Variants in ACTN1 observed in about 807,000 individuals in gnomAD.
ACTN1 encodes the protein alpha-actinin-1.
ACTN1 carries 30 observed loss-of-function variants against 119.6 expected under a neutral mutation model. The ratio of observed to expected loss-of-function variants is 0.25; its 90% confidence interval spans 0.19 to 0.34. The LOEUF (loss-of-function observed/expected upper bound fraction) is 0.34, where lower values mean the gene tolerates loss of function less well. ACTN1 is among the 10% of genes least tolerant of loss of function. The pLI is 1.00. For missense variants in ACTN1, 764 were observed against 1,223.4 expected (o/e 0.62, Z 5.60); for synonymous variants, 429 against 472.6 (o/e 0.91, Z 1.20).
At chr14:68,938,227 C>T (rs1432654974) in intron 1 of ACTN1, among the ~76,000 whole-genome samples, 1 of 152,220 alleles carries the variant, frequency 6.6e-6, no homozygotes, top group Non-Finnish European at 1.5e-5. Context: ...ACTTCCCACC[C>T]ACCTGGGAGT....
intron 1 of ACTN1, among the ~76,000 whole-genome samples, chr14:68,968,554 A>C (rs2036776404): frequency 6.6e-6 from 1 of 152,250 alleles, no homozygotes. Context: ...AAAAACACCA[A>C]ACTTGGAACA....
At position 68,978,899 on chromosome 14, in the gene ACTN1, C is replaced by CAGGGCTGGGGGCTG. The variant is rs1555361784; in HGVS notation, c.105+52_105+53insCAGCCCCCAGCCCT. On this transcript the variant is annotated intron_variant, in intron 1 of 21. Transcript: ENST00000394419. ...CGAGAGCCCGGCAGGCAGAGCGGGT[C>CAGGGCTGGGGGCTG]GGGGCTGGGGGCTGGGGGCTGGGGG... 9 of 1,113,370 alleles carry CAGGGCTGGGGGCTG rather than the reference C, an allele frequency of 8.1e-6. No individual in the cohort carries two copies. In the Admixed American group the frequency reaches 2.1e-4, roughly 26 times the overall value. 69.0% of individuals were successfully genotyped at this position (1,113,370 alleles called of 1,614,324 possible). A position where few individuals can be genotyped will look rare whatever the true frequency, so the allele number is the denominator to read the frequency against.
intron 1 of ACTN1, among the ~76,000 whole-genome samples, chr14:68,948,965 C>CA (rs2036037888): frequency 6.6e-6 from 1 of 152,240 alleles, no homozygotes; most frequent in African/African-American, 2.4e-5. Flanking sequence ...AGAGACCAGT[C>CA]AGCTGTGCAC....
intron 1 of ACTN1, among the ~76,000 whole-genome samples, chr14:68,965,202 T>C (rs2036666377): frequency 6.6e-6 from 1 of 152,244 alleles, no homozygotes; most frequent in African/African-American, 2.4e-5. Context: ...ATCACCACTA[T>C]GGACCTCATC....
chr14:68,927,790 A>G (rs2035008307), intron 1 of ACTN1, among the ~76,000 whole-genome samples: 1 of 152,324 alleles, frequency 6.6e-6, no homozygotes. Context: ...GAAAAATATT[A>G]AAGGATTTTT....
intron 1 of ACTN1, among the ~76,000 whole-genome samples, chr14:68,966,713 A>G (rs1566679553): frequency 6.6e-6 from 1 of 152,274 alleles, no homozygotes; most frequent in East Asian, 1.9e-4. Flanking sequence ...TACTGTGGCT[A>G]AAGACAGTGG....
chr14:68,887,487 C>T (rs1237392316), intron 11 of ACTN1: 12 of 1,153,156 alleles, frequency 1.0e-5, no homozygotes, highest in Non-Finnish European at 1.4e-5. Context: ...GATATAAAAA[C>T]TAACCCCCCC....
In ACTN1 at chr14:68,969,515, C is replaced by T. The variant is rs540607876; in HGVS notation, c.105+9437G>A. Among the ~76,000 whole-genome samples, 11 of 152,330 alleles carry T rather than the reference C, an allele frequency of 7.2e-5. No homozygotes were observed. In the East Asian group the frequency reaches 9.6e-4, roughly 13 times the overall value. ...TTATCTATTATCTGGAGGATGTCTGCGGAGTTTAAAAGGGAGCCACTCCTC... is the reference window on the plus strand; with the variant it reads ...TTATCTATTATCTGGAGGATGTCTGTGGAGTTTAAAAGGGAGCCACTCCTC... On this transcript the variant is annotated intron_variant, in intron 1 of 21. Coordinates refer to ENST00000394419, the MANE Select transcript of ACTN1 (RefSeq NM_001130004.2).
chr14:68,904,598 G>A, intron 7 of ACTN1, 57 bp downstream of exon 7: 5 of 1,541,196 alleles, frequency 3.2e-6, no homozygotes, highest in Non-Finnish European at 4.5e-6. Context: ...CCCCTTCTTA[G>A]CCGCTGAGTG....
rs2030629549 is a variant in ACTN1 at position 68,874,661 on chromosome 14, C to A, written c.*198G>T. On this transcript the variant is annotated 3_prime_UTR_variant, in exon 22 of 22. Coordinates refer to ENST00000394419, the MANE Select transcript of ACTN1 (RefSeq NM_001130004.2). ...AAATATGTAGTTTTTTGGTTTTTAA[C>A]GTAACTTTTTTTTCTTTTTTGCAGA... 4 of 449,408 alleles carry A rather than the reference C, an allele frequency of 8.9e-6. No individual in the cohort carries two copies. Among genetic ancestry groups the A allele is most frequent in the Non-Finnish European group, 3.7e-6 (1 of 272,536 alleles). The allele number at this position is 449,408 out of a possible 1,614,324, so 27.8% of individuals were successfully genotyped here. A position where few individuals can be genotyped will look rare whatever the true frequency, so the allele number is the denominator to read the frequency against.
rs757872202 is a variant in ACTN1, at chr14:68,880,831, C to T, written c.2112G>A (p.Lys704=). The T allele has an allele frequency of 7.4e-6, 12 of 1,614,010 alleles. No homozygotes were observed. The South Asian group carries it at 1.3e-4, about 18-fold the overall frequency. ...CCACCTCCATGGTGTAGTTGGTGTG[C>T]TTGTTGTCGAAGATGAGCGCCTCCT... The part of the protein sequence containing the change: ...LIQEALIFDN[K]HTNYTMEHIR... The change falls in exon 17 of 22, where the codon AAG becomes AAA. Residue 704 remains lysine (K), a synonymous_variant. Transcript: ENST00000394419. The surrounding 1 kb of genome is among the most constrained non-coding windows in gnomAD (Gnocchi z 4.6).
rs1173619589 is a variant in ACTN1 at position 68,909,712 on chromosome 14, C to T, written c.515+243G>A. ...ACTTCCTGGACAATTTCCTTGGGGG[C>T]GCTCCCAGTAGCAAAAGCATCAACC... On this transcript the variant is annotated intron_variant, in intron 5 of 21. Coordinates refer to ENST00000394419, the MANE Select transcript of ACTN1 (RefSeq NM_001130004.2). This position sits in a 1 kb window ranked among gnomAD's most constrained non-coding sequence, Gnocchi z 4.1. 2.6e-5 allele frequency among the ~76,000 whole-genome samples: 4 copies of T among 152,154 alleles called. No homozygotes were observed. The highest frequency in any genetic ancestry group is 4.4e-5 in the Non-Finnish European group (3 of 68,028).
Position 68,879,141 on chromosome 14 carries a change from C to CG in ACTN1, c.2281-73dup. 9.3e-7 allele frequency: 1 copy of CG among 1,073,394 alleles called. No homozygotes were observed. The highest frequency in any genetic ancestry group is 3.3e-5 in the Admixed American group (1 of 30,024). The allele number at this position is 1,073,394 out of a possible 1,614,324, so 66.5% of individuals were successfully genotyped here. ...GTGGAGCCGTGAGGGGGGCATGCCC[C>CG]GGGGGAGGGTGGCGTGTGTGGGGAG... On this transcript the variant is annotated intron_variant, in intron 18 of 21. Coordinates refer to ENST00000394419, the MANE Select transcript of ACTN1 (RefSeq NM_001130004.2). This position sits in a 1 kb window ranked among gnomAD's most constrained non-coding sequence, Gnocchi z 4.9.
At chr14:68,918,584 CAAA>C in intron 3 of ACTN1, among the ~76,000 whole-genome samples, 1 of 119,344 alleles carries the variant, frequency 8.4e-6, no homozygotes. Flanking sequence ...GACTCCGTCT[CAAA>C]AAAAAAAAAA....
intron 1 of ACTN1, among the ~76,000 whole-genome samples, chr14:68,928,512 C>T (rs1172613917): frequency 2.0e-5 from 3 of 152,116 alleles, no homozygotes; most frequent in African/African-American, 4.8e-5. Flanking sequence ...ACATGCACTT[C>T]GGGACGCATC....
intron 1 of ACTN1, among the ~76,000 whole-genome samples, chr14:68,968,074 G>A (rs12432970): frequency 0.24 from 37,008 of 152,168 alleles, 4,912 homozygotes; most frequent in African/African-American, 0.32. Context: ...CTAGGAACCT[G>A]AATCTCAAGC....
chr14:68,919,055 C>T (rs1283342820), intron 3 of ACTN1, among the ~76,000 whole-genome samples: 1 of 152,250 alleles, frequency 6.6e-6, no homozygotes, highest in Non-Finnish European at 1.5e-5. Context: ...TCGGTGAGTG[C>T]TATTCTCTTC....
At chr14:68,936,925 A>T (rs1448919952) in intron 1 of ACTN1, 1 of 539,080 alleles carries the variant, frequency 1.9e-6, no homozygotes, top group African/African-American at 1.9e-5. Flanking sequence ...CCATGAAGGG[A>T]CTCCTCCCCT....
rs1233042827 is a variant in ACTN1, at chr14:68,925,038, A to G, written c.220+520T>C. 6.6e-6 allele frequency among the ~76,000 whole-genome samples: 1 copy of G among 152,140 alleles called. No homozygotes were observed. Among genetic ancestry groups the G allele is most frequent in the African/African-American group, 2.4e-5 (1 of 41,426 alleles). On this transcript the variant is annotated intron_variant, in intron 2 of 21. Coordinates refer to ENST00000394419, the MANE Select transcript of ACTN1 (RefSeq NM_001130004.2). The surrounding 1 kb of genome is among the most constrained non-coding windows in gnomAD (Gnocchi z 4.3). ...CATCAAGGTGAAGAGAGTAGCTAAC[A>G]TGGCCCAGTGTATCAACCAAGGCTA...
Sources: gnomAD v4.1 joint callset for allele counts (sites outside exome capture counted in the v4.1 genomes callset) on GRCh38, gnomAD v4.1.1 for gene constraint, Gnocchi (gnomAD v3.1) non-coding constraint, MANE v1.5 for transcripts, NCBI Gene and HGNC (gene_info 2026-07-23, HGNC 2026-07-21) for gene names.